ADAM18: variants seen among roughly 807,000 people sequenced by gnomAD.
ADAM18 encodes the protein disintegrin and metalloproteinase domain-containing protein 18.
A neutral mutation model predicts 94.4 loss-of-function variants in ADAM18; 117 were observed. That is an observed-to-expected ratio of 1.24 (90% CI 1.07 to 1.45). ADAM18 has a LOEUF of 1.45. ADAM18 is among the 40% of genes most tolerant of loss of function. The probability of loss-of-function intolerance (pLI) is 0.00; values close to 1 mark genes in which losing one functional copy is unlikely to be tolerated. For synonymous variants in ADAM18, 327 were observed against 291.6 expected, an observed-to-expected ratio of 1.12 and a Z score of -1.24; for missense variants, 936 against 880.0, an observed-to-expected ratio of 1.06 and a Z score of -0.81.
intron 14 of ADAM18, among the ~76,000 whole-genome samples, chr8:39,673,471 C>G (rs147556006): frequency 1.3e-5 from 2 of 151,690 alleles, no homozygotes; most frequent in Admixed American, 6.6e-5. Context: ...TCTCCCCACA[C>G]CCCACCCCCC....
chr8:39,679,000 G>A (rs990980266), intron 15 of ADAM18, among the ~76,000 whole-genome samples: 27 of 152,148 alleles, frequency 1.8e-4, no homozygotes, highest in African/African-American at 6.5e-4. Context: ...TGCAAGTCTG[G>A]TTTAGAATAT....
intron 2 of ADAM18, among the ~76,000 whole-genome samples, chr8:39,605,537 T>G (rs1429447580): frequency 1.3e-5 from 2 of 152,246 alleles, no homozygotes; most frequent in East Asian, 3.9e-4. Context: ...ATATTAAAAT[T>G]TGTTACTGGT....
At position 39,668,034 on chromosome 8, in the gene ADAM18, G is replaced by T; in HGVS notation, c.1363G>T (p.Asp455Tyr). The T allele has an allele frequency of 6.2e-7, 1 of 1,613,988 alleles. No individual in the cohort carries two copies. The highest frequency in any genetic ancestry group is 8.5e-7 in the Non-Finnish European group (1 of 1,179,964). The stretch of plus-strand genomic sequence containing the variant: ...AGGCACTCCATGTAGAAAGAGTATT[G>T]ATCCAGAGTGTGATTTTACAGAGTA... The part of the protein sequence containing the change: ...IAGTPCRKSI[D>Y]PECDFTEYCN... Residue 455 changes from aspartate (D) to tyrosine (Y), a missense_variant, in exon 14 of 20, where the codon GAT (aspartate) becomes TAT (tyrosine). Coordinates refer to ENST00000265707, the MANE Select transcript of ADAM18 (RefSeq NM_014237.3).
chr8:39,617,546 A>T (rs1819479278), intron 6 of ADAM18, among the ~76,000 whole-genome samples: 2 of 152,216 alleles, frequency 1.3e-5, no homozygotes, highest in Non-Finnish European at 2.9e-5. Flanking sequence ...ACATATACTT[A>T]TCATAGTACT....
chr8:39,590,998 C>A (rs746839648), intron 2 of ADAM18, among the ~76,000 whole-genome samples: 9 of 152,128 alleles, frequency 5.9e-5, no homozygotes, highest in African/African-American at 2.2e-4. Context: ...CAGTGCATAC[C>A]AAACTTATGT....
chr8:39,727,994 C>T (rs1486101537), intron 19 of ADAM18, among the ~76,000 whole-genome samples: 2 of 152,026 alleles, frequency 1.3e-5, no homozygotes, highest in Admixed American at 6.6e-5. Flanking sequence ...TTTAGGGAGG[C>T]CTCAGGAAGC....
rs760648518 is a variant in ADAM18 at position 39,609,568 on chromosome 8, G to A, written c.344+7G>A. On this transcript the variant is annotated splice_region_variant and intron_variant, in intron 5 of 19. Transcript: ENST00000265707. ...GTATATGTTCTGGTCTCAGGTAATAGCACCTTATAAGAAATCTATAGATGG... is the reference window on the plus strand; with the variant it reads ...GTATATGTTCTGGTCTCAGGTAATAACACCTTATAAGAAATCTATAGATGG... 6 of 1,592,102 alleles carry A rather than the reference G, an allele frequency of 3.8e-6. No individual in the cohort carries two copies. In the South Asian group the frequency reaches 4.5e-5, roughly 12 times the overall value.
chr8:39,658,606 A>G (rs1820749591), intron 12 of ADAM18, among the ~76,000 whole-genome samples: 1 of 152,186 alleles, frequency 6.6e-6, no homozygotes, highest in African/African-American at 2.4e-5. Context: ...GGACTTCTAC[A>G]CTACAGAAGT....
At position 39,729,962 on chromosome 8, in the gene ADAM18, C is replaced by T. The variant is rs1355567795; in HGVS notation, c.*22C>T. ...TTAATATTGCACAGAACTTCCATAG[C>T]AAATAACCTAAAGGAACGAATGTGC... On this transcript the variant is annotated 3_prime_UTR_variant, in exon 20 of 20. Coordinates refer to ENST00000265707, the MANE Select transcript of ADAM18 (RefSeq NM_014237.3). 1 of 1,602,696 alleles carries T rather than the reference C, an allele frequency of 6.2e-7. No homozygotes were observed. The highest frequency in any genetic ancestry group is 1.7e-5 in the Admixed American group (1 of 59,962).
At chr8:39,723,673 G>A in intron 18 of ADAM18, 75 bp from the exon 19 acceptor site, 1 of 1,111,896 alleles carries the variant, frequency 9.0e-7, no homozygotes. Flanking sequence ...ACACGTATAT[G>A]ATTAAGTGAA....
At chr8:39,697,930 A>G (rs752083815) in intron 17 of ADAM18, among the ~76,000 whole-genome samples, 1 of 151,808 alleles carries the variant, frequency 6.6e-6, no homozygotes, top group Non-Finnish European at 1.5e-5. Context: ...TGTAGTTTTC[A>G]TCATACTCGT....
intron 12 of ADAM18, among the ~76,000 whole-genome samples, chr8:39,660,015 G>A (rs1310356150): frequency 1.3e-5 from 2 of 152,022 alleles, no homozygotes; most frequent in African/African-American, 2.4e-5. Flanking sequence ...TGTGACTGAA[G>A]TTTTTATCAG....
chr8:39,716,209 A>C (rs1478197840), intron 18 of ADAM18, among the ~76,000 whole-genome samples: 2 of 151,474 alleles, frequency 1.3e-5, no homozygotes, highest in Non-Finnish European at 2.9e-5. Flanking sequence ...TTCTGCTCTA[A>C]TACTTGCTAT....
At chr8:39,729,819 A>G (rs893319285) in intron 19 of ADAM18, 79 bp from the exon 20 acceptor site, 5 of 1,176,594 alleles carry the variant, frequency 4.2e-6, no homozygotes, top group Non-Finnish European at 6.3e-6. Flanking sequence ...ATTCAGTAGT[A>G]AATATGGTTT....
intron 15 of ADAM18, 45 bp downstream of exon 15, chr8:39,677,581 T>C (rs772767265): frequency 3.5e-6 from 5 of 1,417,164 alleles, no homozygotes; most frequent in Non-Finnish European, 4.8e-6. Flanking sequence ...ATAAAAATTA[T>C]GTATTTTTAT....
intron 5 of ADAM18, among the ~76,000 whole-genome samples, 165 bp downstream of exon 5, chr8:39,609,726 C>A (rs1269660375): frequency 5.3e-5 from 8 of 152,044 alleles, no homozygotes; most frequent in African/African-American, 1.7e-4. Flanking sequence ...AATACTTAGA[C>A]CTAAGGGCCT....
At chr8:39,637,051 A>G (rs1045367373) in intron 7 of ADAM18, among the ~76,000 whole-genome samples, 45 of 102,054 alleles carry the variant, frequency 4.4e-4, no homozygotes, top group African/African-American at 5.7e-4. Context: ...ATATATATAT[A>G]TATATATATA....
chr8:39,648,537 A>G lies in ADAM18; in HGVS notation c.1230+10A>G. On this transcript the variant is annotated intron_variant, in intron 12 of 19. Transcript: ENST00000265707. Reference sequence around the variant, plus strand: ...CTGTGGTAATAAAAATGTGAGTAACAAAGATTGAAACTCGAGCACAATTTT... The same window carrying G: ...CTGTGGTAATAAAAATGTGAGTAACGAAGATTGAAACTCGAGCACAATTTT... The G allele has an allele frequency of 6.3e-7, 1 of 1,586,918 alleles. No individual in the cohort carries two copies. The highest frequency in any genetic ancestry group is 8.6e-7 in the Non-Finnish European group (1 of 1,167,180).
At chr8:39,624,697 G>A (rs1819713690) in intron 6 of ADAM18, among the ~76,000 whole-genome samples, 1 of 152,190 alleles carries the variant, frequency 6.6e-6, no homozygotes, top group African/African-American at 2.4e-5. Context: ...AAGGTGATTA[G>A]ATCACGGAGG....
Sources: allele counts gnomAD v4.1 joint callset (sites outside exome capture counted in the v4.1 genomes callset), GRCh38; gene constraint gnomAD v4.1.1; transcripts MANE v1.5; gene names NCBI Gene and HGNC (gene_info 2026-07-23, HGNC 2026-07-21).